The following KHDRBS2 variants were observed in gnomAD, a reference collection of about 807,000 sequenced individuals.
KHDRBS2 encodes KH RNA binding domain containing, signal transduction associated 2.
In KHDRBS2, 26 loss-of-function variants were observed where a neutral mutation model predicts 44.3. The ratio of observed to expected loss-of-function variants is 0.59; its 90% CI spans 0.43 to 0.81. The LOEUF is 0.81. Ranked by LOEUF, KHDRBS2 falls within the 40% of genes least tolerant of loss-of-function variation. The probability of loss-of-function intolerance (pLI) is 0.00; values close to 1 mark genes in which losing one functional copy is unlikely to be tolerated. For synonymous variants in KHDRBS2, 194 were observed against 151.1 expected, an observed-to-expected ratio of 1.28 and a Z score of -2.08; for missense variants, 476 against 433.1, an observed-to-expected ratio of 1.10 and a Z score of -0.88.
chr6:62,232,418 G>A (rs1187436320), intron 1 of KHDRBS2, among the ~76,000 whole-genome samples: 1 of 151,956 alleles, frequency 6.6e-6, no homozygotes, highest in Non-Finnish European at 1.5e-5. Flanking sequence ...GTATAGAATG[G>A]AGATTATATT....
intron 6 of KHDRBS2, among the ~76,000 whole-genome samples, chr6:61,791,168 T>C (rs1227643274): frequency 6.6e-6 from 1 of 151,446 alleles, no homozygotes; most frequent in Non-Finnish European, 1.5e-5. Context: ...TTGCGAAATT[T>C]ATTGCCATTA....
chr6:61,938,256 C>T (rs1015188953), intron 4 of KHDRBS2, among the ~76,000 whole-genome samples: 2 of 151,968 alleles, frequency 1.3e-5, no homozygotes, highest in Non-Finnish European at 2.9e-5. Flanking sequence ...AGGAGAGTTG[C>T]AAATGACAAC....
intron 2 of KHDRBS2, among the ~76,000 whole-genome samples, chr6:62,065,086 C>G (rs1793239359): frequency 6.6e-6 from 1 of 151,990 alleles, no homozygotes. Flanking sequence ...CAATGAGATA[C>G]CATCTCACAC....
intron 1 of KHDRBS2, among the ~76,000 whole-genome samples, chr6:62,246,135 T>TATATAA (rs1491165306): frequency 8.7e-4 from 119 of 136,672 alleles, no homozygotes; most frequent in South Asian, 5.4e-3. Flanking sequence ...TATATATATA[T>TATATAA]AATCAATGTT....
chr6:62,183,442 C>A (rs922089883), intron 1 of KHDRBS2, among the ~76,000 whole-genome samples: 1 of 151,228 alleles, frequency 6.6e-6, no homozygotes, highest in East Asian at 1.9e-4. Flanking sequence ...CATCAAGTAC[C>A]AATTACATAG....
At chr6:62,101,980 TC>T (rs1352969858) in intron 2 of KHDRBS2, among the ~76,000 whole-genome samples, 1 of 152,200 alleles carries the variant, frequency 6.6e-6, no homozygotes, top group Non-Finnish European at 1.5e-5. Context: ...TATCTGTGGA[TC>T]TTTTTCCTTA....
chr6:62,178,988 T>C (rs1241266095), intron 1 of KHDRBS2, among the ~76,000 whole-genome samples: 1 of 151,528 alleles, frequency 6.6e-6, no homozygotes, highest in Non-Finnish European at 1.5e-5. Flanking sequence ...TTTCCAAAGG[T>C]AAGGGGAATA....
At chr6:61,684,205 A>G (rs1407497659) in intron 8 of KHDRBS2, among the ~76,000 whole-genome samples, 2 of 151,934 alleles carry the variant, frequency 1.3e-5, no homozygotes, top group African/African-American at 4.8e-5. Context: ...ACGTTTTTCC[A>G]GTGCCACCAT....
intron 6 of KHDRBS2, among the ~76,000 whole-genome samples, chr6:61,860,796 T>C (rs1364606574): frequency 2.0e-5 from 3 of 152,118 alleles, no homozygotes; most frequent in Admixed American, 6.6e-5. Flanking sequence ...ATTGCCACAC[T>C]GTCTTTCACA....
chr6:62,073,476 T>G (rs1795658570), intron 2 of KHDRBS2, among the ~76,000 whole-genome samples: 1 of 151,368 alleles, frequency 6.6e-6, no homozygotes, highest in African/African-American at 2.4e-5. Flanking sequence ...GTTTGCTAAT[T>G]TTGCTCATCT....
the KHDRBS2 span, among the ~76,000 whole-genome samples, chr6:61,552,126 T>C: frequency 1.3e-5 from 2 of 152,136 alleles, no homozygotes; most frequent in African/African-American, 4.8e-5. Flanking sequence ...TTTAACAATA[T>C]TGATTCCTCC....
the KHDRBS2 span, among the ~76,000 whole-genome samples, chr6:61,571,216 G>A: frequency 6.6e-6 from 1 of 152,026 alleles, no homozygotes. Flanking sequence ...TATGGTAAAG[G>A]GGTGGAAAAA....
intron 2 of KHDRBS2, among the ~76,000 whole-genome samples, chr6:62,060,499 T>A (rs1293252108): frequency 6.6e-6 from 1 of 151,574 alleles, no homozygotes; most frequent in African/African-American, 2.4e-5. Context: ...GATTTGGCAA[T>A]TAGGAAAAAT....
At chr6:61,734,849 A>G (rs1343555513) in intron 6 of KHDRBS2, among the ~76,000 whole-genome samples, 13 of 152,144 alleles carry the variant, frequency 8.5e-5, no homozygotes, top group Non-Finnish European at 1.2e-4. Context: ...CAGCTCATCC[A>G]TAATGTTTTT....
the KHDRBS2 span, among the ~76,000 whole-genome samples, chr6:61,645,261 A>C: frequency 6.6e-6 from 1 of 152,116 alleles, no homozygotes; most frequent in African/African-American, 2.4e-5. Context: ...TAGCTAAATA[A>C]TGAGAACATA....
intron 2 of KHDRBS2, among the ~76,000 whole-genome samples, chr6:62,151,546 C>A (rs1562961842): frequency 6.6e-6 from 1 of 152,140 alleles, no homozygotes; most frequent in African/African-American, 2.4e-5. Context: ...AAAAACCCCA[C>A]CACAATTTAA....
intron 2 of KHDRBS2, among the ~76,000 whole-genome samples, chr6:62,061,668 T>C (rs575108477): frequency 1.3e-5 from 2 of 151,334 alleles, no homozygotes; most frequent in Admixed American, 6.6e-5. Context: ...TTGCTCTTCT[T>C]GAGGAGTATC....
At chr6:61,939,470 T>C (rs885172) in intron 4 of KHDRBS2, among the ~76,000 whole-genome samples, 60,164 of 152,004 alleles carry the variant, frequency 0.4, 12,070 homozygotes, top group East Asian at 0.47. Flanking sequence ...AAGTTTTTTT[T>C]CACAGATATT....
At chr6:61,822,693 T>C (rs1388569649) in intron 6 of KHDRBS2, among the ~76,000 whole-genome samples, 1 of 151,962 alleles carries the variant, frequency 6.6e-6, no homozygotes, top group Non-Finnish European at 1.5e-5. Flanking sequence ...TATTCCCTAC[T>C]CTAGGCTTTT....
Sources: allele counts gnomAD v4.1 joint callset (sites outside exome capture counted in the v4.1 genomes callset), GRCh38; gene constraint gnomAD v4.1.1; transcripts MANE v1.5; gene names NCBI Gene and HGNC (gene_info 2026-07-23, HGNC 2026-07-21).